The following CELF2 variants were observed in gnomAD, a reference collection of about 807,000 sequenced individuals.
The protein encoded by CELF2 is CUGBP Elav-like family member 2, also known as CUG triplet repeat RNA-binding protein 2.
CELF2 carries 8 observed loss-of-function variants against 62.6 expected under a neutral mutation model. The ratio of observed to expected loss-of-function variants is 0.13; its 90% CI spans 0.07 to 0.23. The LOEUF (loss-of-function observed/expected upper bound fraction) is 0.23, where lower values mean the gene tolerates loss of function less well. Among genes scored for constraint, CELF2 ranks in the 10% least tolerant of loss-of-function variants. The probability of loss-of-function intolerance (pLI) is 1.00; values close to 1 mark genes in which losing one functional copy is unlikely to be tolerated. For synonymous variants in CELF2, 258 were observed against 250.0 expected (o/e 1.03, Z -0.30); for missense variants, 333 against 671.0 (o/e 0.50, Z 5.56).
chr10:10,696,644 C>T, the CELF2 span, among the ~76,000 whole-genome samples: 1 of 151,940 alleles, frequency 6.6e-6, no homozygotes, highest in Non-Finnish European at 1.5e-5. Context: ...GTTGTGCTAG[C>T]AACCAGTGAG....
the CELF2 span, among the ~76,000 whole-genome samples, chr10:10,523,942 T>G: frequency 6.6e-6 from 1 of 152,166 alleles, no homozygotes; most frequent in Non-Finnish European, 1.5e-5. Flanking sequence ...ACCTTGCAGT[T>G]CAAGTTCTTC....
the CELF2 span, among the ~76,000 whole-genome samples, chr10:10,739,013 C>A: frequency 6.6e-6 from 1 of 152,052 alleles, no homozygotes; most frequent in Non-Finnish European, 1.5e-5. Context: ...TTCTGTAAAT[C>A]TACAACTCTT....
intron 1 of CELF2, among the ~76,000 whole-genome samples, chr10:10,883,747 G>A (rs549449547): frequency 6.6e-6 from 1 of 152,232 alleles, no homozygotes; most frequent in East Asian, 1.9e-4. Context: ...GTACAGCCAA[G>A]GCCACTTGCT....
rs1313155157 is a variant in CELF2 at position 11,242,286 on chromosome 10, G to A, written c.355-6867G>A. On this transcript the variant is annotated intron_variant, in intron 3 of 12. Coordinates refer to ENST00000633077, the MANE Select transcript of CELF2 (RefSeq NM_001326342.2). This position sits in a 1 kb window ranked among gnomAD's most constrained non-coding sequence, Gnocchi z 4.8. ...TTAAAGGTGGTTAACTCATCAATTG[G>A]TGATGGCTGGGGTTCAACAAGTTCC... Among the ~76,000 whole-genome samples the A allele has an allele frequency of 4.6e-5, 7 of 152,184 alleles. No individual in the cohort carries two copies. In the East Asian group the frequency reaches 1.3e-3, roughly 29 times the overall value.
chr10:11,205,533 A>T (rs2060233990), intron 2 of CELF2, among the ~76,000 whole-genome samples: 1 of 152,234 alleles, frequency 6.6e-6, no homozygotes. Context: ...TATAGCTGTC[A>T]CTAACCCCAT....
At chr10:10,798,477 G>T (rs546965492), upstream of CELF2, 73 of 322,528 alleles carry the variant, frequency 2.3e-4, no homozygotes, top group South Asian at 2.0e-3. Flanking sequence ...TTAAGTGAGA[G>T]CTGTGCTTGG....
At chr10:11,119,290 T>C (rs2057230991) in intron 1 of CELF2, among the ~76,000 whole-genome samples, 1 of 152,228 alleles carries the variant, frequency 6.6e-6, no homozygotes, top group Non-Finnish European at 1.5e-5. Flanking sequence ...ATTCAGTAGA[T>C]AGGCGTCCTG....
the CELF2 span, among the ~76,000 whole-genome samples, chr10:10,639,834 C>T: frequency 1.3e-5 from 2 of 152,104 alleles, no homozygotes; most frequent in African/African-American, 2.4e-5. Flanking sequence ...CACTAGGGAC[C>T]GTCAATGAAG....
chr10:11,104,162 A>G (rs945659567), intron 1 of CELF2, among the ~76,000 whole-genome samples: 6 of 152,190 alleles, frequency 3.9e-5, no homozygotes, highest in Admixed American at 1.3e-4. Context: ...GTACAAGTCT[A>G]TATATTTGGA....
At chr10:11,113,396 T>C (rs1463116075) in intron 1 of CELF2, among the ~76,000 whole-genome samples, 4 of 152,184 alleles carry the variant, frequency 2.6e-5, no homozygotes, top group African/African-American at 9.7e-5. Context: ...CCGAATGTTA[T>C]AGGAGGCGTT....
At chr10:10,505,404 A>G in the CELF2 span, among the ~76,000 whole-genome samples, 1 of 152,074 alleles carries the variant, frequency 6.6e-6, no homozygotes, top group Non-Finnish European at 1.5e-5. Context: ...ACTGGATGAA[A>G]GTTCTGACTC....
the CELF2 span, among the ~76,000 whole-genome samples, chr10:10,547,692 AGTGTGTGT>A: frequency 7.1e-4 from 98 of 138,102 alleles, no homozygotes; most frequent in Admixed American, 1.6e-3. Flanking sequence ...AGAGAGAGAG[AGTGTGTGT>A]GTGTGTGTGT....
In CELF2 at chr10:11,178,882, C is replaced by T. The variant is rs929571251; in HGVS notation, c.271+13200C>T. Reference sequence around the variant, plus strand: ...ACAGAATGCTGTGCTGACACATACTCCATCACATGTTTGCGATGAAAATGC... The same window carrying T: ...ACAGAATGCTGTGCTGACACATACTTCATCACATGTTTGCGATGAAAATGC... On this transcript the variant is annotated intron_variant, in intron 2 of 12. Coordinates refer to ENST00000633077, the MANE Select transcript of CELF2 (RefSeq NM_001326342.2). This position sits in a 1 kb window ranked among gnomAD's most constrained non-coding sequence, Gnocchi z 4.3. Among the ~76,000 whole-genome samples, 7 of 152,220 alleles carry T rather than the reference C, an allele frequency of 4.6e-5. No homozygotes were observed. Among genetic ancestry groups the T allele is most frequent in the African/African-American group, 1.7e-4 (7 of 41,444 alleles).
In CELF2 at chr10:11,242,239, G is replaced by T. The variant is rs1361842116; in HGVS notation, c.355-6914G>T. ...AAAAACCCATTTCAGGTTAAAAATG[G>T]CATGTTTTATTGAATCTCATGTTAA... On this transcript the variant is annotated intron_variant, in intron 3 of 12. Coordinates refer to ENST00000633077, the MANE Select transcript of CELF2 (RefSeq NM_001326342.2). The surrounding 1 kb of genome is among the most constrained non-coding windows in gnomAD (Gnocchi z 4.8). Among the ~76,000 whole-genome samples, 1 of 152,174 alleles carries T rather than the reference G, an allele frequency of 6.6e-6. No individual in the cohort carries two copies. The highest frequency in any genetic ancestry group is 1.5e-5 in the Non-Finnish European group (1 of 68,012).
Position 11,243,262 on chromosome 10 carries a change from T to A in CELF2, c.355-5891T>A, listed in dbSNP as rs1044005465. 3.3e-5 allele frequency among the ~76,000 whole-genome samples: 5 copies of A among 151,908 alleles called. No homozygotes were observed. Among genetic ancestry groups the A allele is most frequent in the African/African-American group, 7.3e-5 (3 of 41,306 alleles). On this transcript the variant is annotated intron_variant, in intron 3 of 12. Transcript: ENST00000633077. The surrounding 1 kb of genome is among the most constrained non-coding windows in gnomAD (Gnocchi z 4.1). ...GGAAGGAGCCTTTGAAATTTCCCCTTTCGCTATGTTTCACTGGTTTTTAAA... is the reference window on the plus strand; with the variant it reads ...GGAAGGAGCCTTTGAAATTTCCCCTATCGCTATGTTTCACTGGTTTTTAAA...
intron 1 of CELF2, among the ~76,000 whole-genome samples, chr10:11,057,708 A>T (rs752464570): frequency 1.4e-4 from 21 of 152,092 alleles, no homozygotes; most frequent in Non-Finnish European, 1.8e-4. Flanking sequence ...TAACGTGGGG[A>T]TGGTGATTGT....
the CELF2 span, among the ~76,000 whole-genome samples, chr10:10,765,798 G>C: frequency 6.6e-6 from 1 of 152,182 alleles, no homozygotes; most frequent in Non-Finnish European, 1.5e-5. Context: ...TGAGGACTGA[G>C]TGTCTTTTCT....
intron 1 of CELF2, among the ~76,000 whole-genome samples, chr10:11,042,054 C>A (rs553701677): frequency 6.6e-6 from 1 of 152,212 alleles, no homozygotes; most frequent in Admixed American, 6.5e-5. Context: ...TTCTGTTGAA[C>A]GATTTTTGCA....
chr10:11,252,186 C>T (rs73579396), intron 4 of CELF2, among the ~76,000 whole-genome samples: 1,688 of 152,272 alleles, frequency 0.011, 37 homozygotes, highest in African/African-American at 0.037. Flanking sequence ...TTTTCTAAAG[C>T]GAGTGATAAA....
Sources: allele counts gnomAD v4.1 joint callset (sites outside exome capture counted in the v4.1 genomes callset), GRCh38; gene constraint gnomAD v4.1.1; non-coding constraint Gnocchi (gnomAD v3.1); transcripts MANE v1.5; gene names NCBI Gene and HGNC (gene_info 2026-07-23, HGNC 2026-07-21).